The following EVI5 variants were observed in gnomAD, a reference collection of about 807,000 sequenced individuals.
EVI5 encodes ecotropic viral integration site 5.
EVI5 carries 73 observed loss-of-function variants against 112.0 expected under a neutral mutation model. That is an observed-to-expected ratio of 0.65 (90% CI 0.54 to 0.79). The LOEUF (loss-of-function observed/expected upper bound fraction) is 0.79, where lower values mean the gene tolerates loss of function less well. EVI5 is among the 30% of genes least tolerant of loss of function. The pLI is 0.00. For synonymous variants in EVI5, 305 were observed against 319.9 expected (o/e 0.95, Z 0.50); for missense variants, 900 against 968.8 (o/e 0.93, Z 0.94).
At chr1:92,524,156 A>G (rs894468950) in intron 19 of EVI5, among the ~76,000 whole-genome samples, 2 of 151,724 alleles carry the variant, frequency 1.3e-5, no homozygotes, top group Non-Finnish European at 2.9e-5. Flanking sequence ...AAAAAAAAAA[A>G]AAAAAGATTC....
At chr1:92,546,024 C>T (rs752375506) in intron 19 of EVI5, among the ~76,000 whole-genome samples, 5 of 152,050 alleles carry the variant, frequency 3.3e-5, no homozygotes, top group Admixed American at 6.6e-5. Context: ...GATTCTACTA[C>T]AGTACTGCCC....
At chr1:92,565,948 CAAAAA>C (rs71586755) in intron 18 of EVI5, among the ~76,000 whole-genome samples, 30 of 51,874 alleles carry the variant, frequency 5.8e-4, no homozygotes, top group Admixed American at 3.4e-3. Context: ...CCAGCCCGAG[CAAAAA>C]AAAAAAAAAA....
intron 19 of EVI5, among the ~76,000 whole-genome samples, chr1:92,551,614 T>A (rs1305445339): frequency 6.6e-6 from 1 of 152,208 alleles, no homozygotes; most frequent in Non-Finnish European, 1.5e-5. Flanking sequence ...AATACTACAG[T>A]CATGCTAAAA....
intron 16 of EVI5, among the ~76,000 whole-genome samples, chr1:92,617,835 T>A (rs1431112138): frequency 6.6e-6 from 1 of 152,228 alleles, no homozygotes; most frequent in Admixed American, 6.5e-5. Context: ...GGTTTACCTA[T>A]CCTGCATGTA....
chr1:92,546,068 A>T (rs1034964916), intron 19 of EVI5, among the ~76,000 whole-genome samples: 1 of 152,076 alleles, frequency 6.6e-6, no homozygotes, highest in Non-Finnish European at 1.5e-5. Context: ...GTCTAAACTC[A>T]TCAACTGGAA....
chr1:92,723,901 G>A (rs1017892817), intron 2 of EVI5, among the ~76,000 whole-genome samples: 3 of 152,144 alleles, frequency 2.0e-5, no homozygotes, highest in South Asian at 4.1e-4. Flanking sequence ...TCTGTCTTAC[G>A]CGGTTGAGAT....
At chr1:92,706,153 A>G (rs1268969801) in intron 2 of EVI5, among the ~76,000 whole-genome samples, 1 of 152,142 alleles carries the variant, frequency 6.6e-6, no homozygotes, top group East Asian at 1.9e-4. Flanking sequence ...ATAAAAACAT[A>G]CCAAACAGCC....
chr1:92,715,581 G>A (rs904629969), intron 2 of EVI5, among the ~76,000 whole-genome samples: 3 of 152,150 alleles, frequency 2.0e-5, no homozygotes, highest in African/African-American at 7.2e-5. Flanking sequence ...TCCAACTGAG[G>A]TACCTGGTTC....
At position 92,736,616 on chromosome 1, in the gene EVI5, G is replaced by A; in HGVS notation, c.-70C>T. ...TAGAGCTCAGCTTTTCTGCAACTTT[G>A]TCTGTCGCCACCTAAGGACAAAAAT... On this transcript the variant is annotated 5_prime_UTR_variant, in exon 2 of 20. An upstream open reading frame in the 5' UTR gains an earlier in-frame stop. Transcript: ENST00000684568. The A allele has an allele frequency of 6.2e-7, 1 of 1,612,888 alleles. No individual in the cohort carries two copies. The highest frequency in any genetic ancestry group is 8.5e-7 in the Non-Finnish European group (1 of 1,178,988).
chr1:92,541,215 A>C (rs536731103), intron 19 of EVI5, among the ~76,000 whole-genome samples: 1 of 152,338 alleles, frequency 6.6e-6, no homozygotes, highest in Non-Finnish European at 1.5e-5. Context: ...ATAGTGAAGA[A>C]AAATATTTAA....
At chr1:92,579,488 T>C (rs1377112826) in intron 18 of EVI5, among the ~76,000 whole-genome samples, 1 of 152,222 alleles carries the variant, frequency 6.6e-6, no homozygotes, top group African/African-American at 2.4e-5. Context: ...ATATCAATGG[T>C]ATTTTATATA....
intron 1 of EVI5, among the ~76,000 whole-genome samples, chr1:92,759,662 C>A (rs1006507582): frequency 1.1e-4 from 16 of 152,136 alleles, no homozygotes; most frequent in African/African-American, 3.9e-4. Flanking sequence ...CTTTCTGACT[C>A]TATGAATTTG....
At position 92,513,736 on chromosome 1, in the gene EVI5, G is replaced by A; in HGVS notation, c.2401C>T (p.Leu801=). The stretch of plus-strand genomic sequence containing the variant: ...ACTTGGTTGCTCTCTCTGGTCTCCA[G>A]CACACTGTCTTCTGTTTCGCTCTCA... The part of the protein sequence containing the change: ...GSESETEDSV[L]ETRESNQVVQ... Residue 801 remains leucine, a synonymous_variant, in exon 20 of 20, where the codon CTG becomes TTG. Coordinates refer to ENST00000684568, the MANE Select transcript of EVI5 (RefSeq NM_001350197.2). 1 of 1,613,624 alleles carries A rather than the reference G, an allele frequency of 6.2e-7. No individual in the cohort carries two copies. Among genetic ancestry groups the A allele is most frequent in the Non-Finnish European group, 8.5e-7 (1 of 1,179,860 alleles).
At chr1:92,770,726 G>C (rs1444789198) in intron 1 of EVI5, among the ~76,000 whole-genome samples, 19 of 151,634 alleles carry the variant, frequency 1.3e-4, no homozygotes, top group Non-Finnish European at 2.7e-4. Context: ...GGAGGTGGAG[G>C]TTGCAGTGAG....
chr1:92,719,705 G>C (rs1171264011), intron 2 of EVI5, among the ~76,000 whole-genome samples: 1 of 151,944 alleles, frequency 6.6e-6, no homozygotes, highest in Non-Finnish European at 1.5e-5. Flanking sequence ...AGGGTAATCA[G>C]GCAAGAGAAA....
intron 19 of EVI5, among the ~76,000 whole-genome samples, chr1:92,540,154 T>G (rs1426774771): frequency 6.6e-6 from 1 of 152,226 alleles, no homozygotes; most frequent in Non-Finnish European, 1.5e-5. Flanking sequence ...TGAACATTTA[T>G]GCAGATGTCT....
At chr1:92,788,750 C>A (rs943970406), upstream of EVI5, among the ~76,000 whole-genome samples, 1 of 152,076 alleles carries the variant, frequency 6.6e-6, no homozygotes, top group Middle Eastern at 3.4e-3. Context: ...GCCGAGATCG[C>A]GCCACTGCTC....
intron 6 of EVI5, among the ~76,000 whole-genome samples, chr1:92,696,567 GT>G (rs1256771880): frequency 6.6e-6 from 1 of 151,862 alleles, no homozygotes; most frequent in Non-Finnish European, 1.5e-5. Flanking sequence ...AACCCAGGAG[GT>G]CAAGGCGGCA....
intron 19 of EVI5, among the ~76,000 whole-genome samples, chr1:92,561,687 G>C (rs939583534): frequency 6.6e-6 from 1 of 150,850 alleles, no homozygotes; most frequent in East Asian, 1.9e-4. Flanking sequence ...CTGCTGCCTG[G>C]AGTGCAGTGG....
Sources: gnomAD v4.1 joint callset for allele counts (sites outside exome capture counted in the v4.1 genomes callset) on GRCh38, gnomAD v4.1.1 for gene constraint, MANE v1.5 for transcripts, NCBI Gene and HGNC (gene_info 2026-07-23, HGNC 2026-07-21) for gene names.